The following AGTPBP1 variants were observed in gnomAD, a reference collection of about 807,000 sequenced individuals.
AGTPBP1 encodes cytosolic carboxypeptidase 1.
A neutral mutation model predicts 143.9 loss-of-function variants in AGTPBP1; 70 were observed. The ratio of observed to expected loss-of-function variants is 0.49; its 90% CI spans 0.40 to 0.59. The LOEUF (loss-of-function observed/expected upper bound fraction) is 0.59. Among genes scored for constraint, AGTPBP1 ranks in the 20% least tolerant of loss-of-function variants. AGTPBP1 has a pLI of 0.00. For synonymous variants in AGTPBP1, 463 were observed against 500.2 expected, an observed-to-expected ratio of 0.93 and a Z score of 0.99; for missense variants, 1,229 against 1,464.5, an observed-to-expected ratio of 0.84 and a Z score of 2.62.
the AGTPBP1 span, among the ~76,000 whole-genome samples, chr9:85,789,007 T>G: frequency 1.3e-5 from 2 of 151,994 alleles, no homozygotes; most frequent in Non-Finnish European, 2.9e-5. Context: ...AACACATACT[T>G]GTTTTACCTG....
the AGTPBP1 span, among the ~76,000 whole-genome samples, chr9:85,753,791 TAG>T: frequency 2.7e-5 from 4 of 149,976 alleles, no homozygotes; most frequent in African/African-American, 9.8e-5. Context: ...GATAGATAGA[TAG>T]ATAGATAGAT....
chr9:85,557,263 T>C (rs1172774229), intron 25 of AGTPBP1, among the ~76,000 whole-genome samples: 1 of 152,184 alleles, frequency 6.6e-6, no homozygotes, highest in African/African-American at 2.4e-5. Flanking sequence ...GGCTCAAAGC[T>C]TTCATTATAA....
chr9:85,704,091 T>G (rs1425745343), intron 2 of AGTPBP1, among the ~76,000 whole-genome samples: 1 of 152,316 alleles, frequency 6.6e-6, no homozygotes, highest in Admixed American at 6.5e-5. Flanking sequence ...CCTATCAACA[T>G]GGAAAGACAG....
chr9:85,614,984 T>C (rs1321319455), intron 17 of AGTPBP1, among the ~76,000 whole-genome samples: 1 of 152,172 alleles, frequency 6.6e-6, no homozygotes, highest in Non-Finnish European at 1.5e-5. Flanking sequence ...CGGTATTTCG[T>C]ACCTTTCGTT....
At chr9:85,791,162 G>A in the AGTPBP1 span, among the ~76,000 whole-genome samples, 2 of 151,810 alleles carry the variant, frequency 1.3e-5, no homozygotes, top group Non-Finnish European at 2.9e-5. Context: ...GGTGGATCAC[G>A]AGGTCAGGAG....
the AGTPBP1 span, among the ~76,000 whole-genome samples, chr9:85,762,282 A>G: frequency 6.6e-6 from 1 of 152,154 alleles, no homozygotes; most frequent in Non-Finnish European, 1.5e-5. Flanking sequence ...TATATACCCA[A>G]AGGATTATAA....
intron 22 of AGTPBP1, 97 bp from the exon 23 acceptor site, chr9:85,585,691 T>C (rs978123089): frequency 3.1e-6 from 3 of 954,876 alleles, no homozygotes; most frequent in Middle Eastern, 6.5e-4. Context: ...TAGGTCTGTG[T>C]TCCTTGGTCT....
At chr9:85,784,523 T>C in the AGTPBP1 span, among the ~76,000 whole-genome samples, 1 of 152,134 alleles carries the variant, frequency 6.6e-6, no homozygotes, top group African/African-American at 2.4e-5. Context: ...TCCTCCCACC[T>C]CAGCCTCTCA....
At chr9:85,721,714 T>C (rs1485219798) in intron 1 of AGTPBP1, among the ~76,000 whole-genome samples, 2 of 152,214 alleles carry the variant, frequency 1.3e-5, no homozygotes, top group African/African-American at 2.4e-5. Context: ...CCTGTCATTA[T>C]GATGTTAGCT....
At chr9:85,682,647 A>G (rs1433312248) in intron 3 of AGTPBP1, among the ~76,000 whole-genome samples, 1 of 152,206 alleles carries the variant, frequency 6.6e-6, no homozygotes, top group Non-Finnish European at 1.5e-5. Flanking sequence ...CATATTCCAC[A>G]ATGAAGTTCA....
At chr9:85,701,789 A>T (rs1167088030) in intron 2 of AGTPBP1, among the ~76,000 whole-genome samples, 2 of 152,170 alleles carry the variant, frequency 1.3e-5, no homozygotes, top group Non-Finnish European at 2.9e-5. Context: ...GTCTTTACCA[A>T]TAGGTCAATT....
At chr9:85,599,982 A>G (rs12341089) in intron 17 of AGTPBP1, among the ~76,000 whole-genome samples, 2,825 of 152,290 alleles carry the variant, frequency 0.019, 98 homozygotes, top group African/African-American at 0.064. Context: ...TAACCACTCT[A>G]TGCCCCCATT....
upstream of AGTPBP1, among the ~76,000 whole-genome samples, chr9:85,743,687 C>T (rs948383050): frequency 9.2e-5 from 14 of 152,162 alleles, no homozygotes; most frequent in African/African-American, 4.8e-5. Flanking sequence ...TGGCAGATCG[C>T]GTGCTCTGTC....
At chr9:85,749,792 A>T in the AGTPBP1 span, among the ~76,000 whole-genome samples, 1 of 152,174 alleles carries the variant, frequency 6.6e-6, no homozygotes, top group Non-Finnish European at 1.5e-5. Context: ...GTACACAGTT[A>T]TTTTAATATG....
chr9:85,801,013 T>C, the AGTPBP1 span, among the ~76,000 whole-genome samples: 1 of 151,466 alleles, frequency 6.6e-6, no homozygotes, highest in Admixed American at 6.6e-5. Flanking sequence ...TTTTTTAATT[T>C]TTAATTTTAA....
the AGTPBP1 span, among the ~76,000 whole-genome samples, chr9:85,785,406 G>T: frequency 3.9e-5 from 6 of 152,124 alleles, no homozygotes; most frequent in African/African-American, 1.4e-4. Context: ...ATATGTTGAA[G>T]TTAGCATTTT....
chr9:85,716,697 T>G (rs1322499828), intron 1 of AGTPBP1, among the ~76,000 whole-genome samples: 1 of 152,206 alleles, frequency 6.6e-6, no homozygotes, highest in Admixed American at 6.5e-5. Flanking sequence ...CTACCTCTGA[T>G]GCCCCCTACA....
At chr9:85,569,568 C>T (rs1407294083) in intron 25 of AGTPBP1, among the ~76,000 whole-genome samples, 1 of 152,128 alleles carries the variant, frequency 6.6e-6, no homozygotes, top group Admixed American at 6.6e-5. Context: ...ATCAGAACCT[C>T]CCTCATTCCC....
At chr9:85,573,509 C>T (rs1402838072) in intron 25 of AGTPBP1, among the ~76,000 whole-genome samples, 1 of 152,178 alleles carries the variant, frequency 6.6e-6, no homozygotes, top group Non-Finnish European at 1.5e-5. Context: ...AGATTGCAGC[C>T]TCTGCCTGGC....
Sources: gnomAD v4.1 joint callset for allele counts (sites outside exome capture counted in the v4.1 genomes callset) on GRCh38, gnomAD v4.1.1 for gene constraint, MANE v1.5 for transcripts, NCBI Gene and HGNC (gene_info 2026-07-23, HGNC 2026-07-21) for gene names.